Variants in SPPL3 observed in about 807,000 individuals in gnomAD.
SPPL3 encodes signal peptide peptidase like 3, also known as signal peptide peptidase-like 3.
In SPPL3, 5 loss-of-function variants were observed where a neutral mutation model predicts 42.4. The ratio of observed to expected loss-of-function variants is 0.12; its 90% CI spans 0.06 to 0.25. The LOEUF is 0.25. Ranked by LOEUF, SPPL3 falls within the 10% of genes least tolerant of loss-of-function variation. The pLI is 1.00. For missense variants in SPPL3, 235 were observed against 489.0 expected (o/e 0.48, Z 4.90); for synonymous variants, 195 against 181.8 (o/e 1.07, Z -0.58).
intron 6 of SPPL3, among the ~76,000 whole-genome samples, chr12:120,778,613 T>C (rs1432877277): frequency 6.6e-6 from 1 of 152,178 alleles, no homozygotes; most frequent in African/African-American, 2.4e-5. Context: ...CACTATAATC[T>C]TGTCTTTTTA....
chr12:120,841,193 T>C lies in SPPL3; in HGVS notation c.24-30307A>G, dbSNP rs186472873. On this transcript the variant is annotated intron_variant, in intron 1 of 10. Transcript: ENST00000353487. ...ATACAAAATTAGCCAGGTGTGGTGG[T>C]GCATGCCTGTAACCCCTGCTACTCC... Among the ~76,000 whole-genome samples the C allele has an allele frequency of 5.6e-3, 857 of 151,800 alleles. 7 individuals are homozygous for C. The highest frequency in any genetic ancestry group is 0.02 in the African/African-American group (812 of 41,386).
chr12:120,890,982 G>A (rs1873622812), intron 1 of SPPL3, among the ~76,000 whole-genome samples: 1 of 152,124 alleles, frequency 6.6e-6, no homozygotes, highest in Non-Finnish European at 1.5e-5. Flanking sequence ...GAACACAAAG[G>A]TGGATTTCCA....
rs1253772411 is a variant in SPPL3 at position 120,764,321 on chromosome 12, T to C, written c.*678A>G. On this transcript the variant is annotated 3_prime_UTR_variant, in exon 11 of 11. Coordinates refer to ENST00000353487, the MANE Select transcript of SPPL3 (RefSeq NM_139015.5). ...TCATATATATCTATGTGTGTGTTTA[T>C]ATATATATATGTACGTATGTATAAA... The C allele has an allele frequency of 7.5e-6, 1 of 134,008 alleles. No homozygotes were observed. Among genetic ancestry groups the C allele is most frequent in the Non-Finnish European group, 1.6e-5 (1 of 60,798 alleles). 8.3% of individuals were successfully genotyped at this position (134,008 alleles called of 1,614,324 possible). A position where few individuals can be genotyped will look rare whatever the true frequency, so the allele number is the denominator to read the frequency against.
At chr12:120,884,547 AT>A (rs1461849906) in intron 1 of SPPL3, among the ~76,000 whole-genome samples, 142 of 90,630 alleles carry the variant, frequency 1.6e-3, no homozygotes, top group South Asian at 1.8e-3. Context: ...AACTTGTATA[AT>A]TTAAAAAAAA....
chr12:120,801,840 T>C (rs1375428935), intron 2 of SPPL3, among the ~76,000 whole-genome samples: 1 of 152,220 alleles, frequency 6.6e-6, no homozygotes, highest in African/African-American at 2.4e-5. Context: ...CTAATTAGTG[T>C]CAGTTAGAAT....
At chr12:120,896,047 A>G (rs938317189) in intron 1 of SPPL3, among the ~76,000 whole-genome samples, 6 of 152,236 alleles carry the variant, frequency 3.9e-5, no homozygotes, top group Non-Finnish European at 7.3e-5. Flanking sequence ...CTTAAAAAAA[A>G]AAATCCTTTG....
intron 1 of SPPL3, among the ~76,000 whole-genome samples, chr12:120,889,115 G>A (rs1014553380): frequency 3.9e-5 from 6 of 152,110 alleles, no homozygotes; most frequent in East Asian, 1.9e-4. Context: ...CACCCGGCCC[G>A]TGAATTATAT....
intron 1 of SPPL3, among the ~76,000 whole-genome samples, chr12:120,896,011 C>T (rs1873790151): frequency 6.6e-6 from 1 of 152,026 alleles, no homozygotes; most frequent in Non-Finnish European, 1.5e-5. Flanking sequence ...GTAGAAACAA[C>T]TAGGATACAT....
intron 2 of SPPL3, among the ~76,000 whole-genome samples, chr12:120,795,802 C>T (rs1410249924): frequency 6.6e-6 from 1 of 152,102 alleles, no homozygotes; most frequent in Non-Finnish European, 1.5e-5. Context: ...ATTATTCTGT[C>T]CCTCCCTTTC....
At position 120,765,078 on chromosome 12, in the gene SPPL3, A is replaced by G. The variant is rs1207299929; in HGVS notation, c.1084-8T>C. 6.2e-7 allele frequency: 1 copy of G among 1,613,006 alleles called. No homozygotes were observed. Among genetic ancestry groups the G allele is most frequent in the Non-Finnish European group, 8.5e-7 (1 of 1,179,504 alleles). ...CATCCGCCGGAGGTCGCCCTGGGAA[A>G]CAAGGGACTTTCTAAGTTACAGATT... is the stretch of plus-strand genomic sequence containing the variant. On this transcript the variant is annotated splice_polypyrimidine_tract_variant and splice_region_variant and intron_variant, in intron 10 of 10. Transcript: ENST00000353487.
intron 1 of SPPL3, among the ~76,000 whole-genome samples, chr12:120,841,895 C>A (rs1278780289): frequency 1.3e-5 from 2 of 152,144 alleles, no homozygotes; most frequent in Non-Finnish European, 2.9e-5. Flanking sequence ...TCTGCTTTTA[C>A]CACTAATCAA....
At chr12:120,815,965 G>A (rs1319255342) in intron 1 of SPPL3, among the ~76,000 whole-genome samples, 2 of 151,950 alleles carry the variant, frequency 1.3e-5, no homozygotes, top group East Asian at 3.9e-4. Context: ...CCTGACCTCA[G>A]GTGATCCACC....
chr12:120,794,676 G>A (rs1412063378), intron 2 of SPPL3, among the ~76,000 whole-genome samples: 2 of 152,150 alleles, frequency 1.3e-5, no homozygotes, highest in Admixed American at 1.3e-4. Context: ...GATTAGAGGC[G>A]TGAGACACTG....
At chr12:120,833,704 GA>G (rs1172731500) in intron 1 of SPPL3, among the ~76,000 whole-genome samples, 1 of 136,112 alleles carries the variant, frequency 7.3e-6, no homozygotes, top group Non-Finnish European at 1.7e-5. Context: ...AGGAAAAAGA[GA>G]AAAAAAGGAG....
At chr12:120,824,533 A>C (rs1024713727) in intron 1 of SPPL3, among the ~76,000 whole-genome samples, 1 of 152,034 alleles carries the variant, frequency 6.6e-6, no homozygotes, top group Non-Finnish European at 1.5e-5. Context: ...GTTTTCTTAA[A>C]CTTTTATTTT....
intron 2 of SPPL3, among the ~76,000 whole-genome samples, chr12:120,806,853 A>AAAAGAAAG (rs3050396): frequency 3.2e-4 from 47 of 146,208 alleles, no homozygotes; most frequent in Middle Eastern, 7.0e-3. Flanking sequence ...TTAAAAAAAA[A>AAAAGAAAG]AAAGAAAGAA....
chr12:120,781,555 GTTTTTTTTTTTTTTTTTT>G (rs527339173), intron 6 of SPPL3, among the ~76,000 whole-genome samples: 927 of 62,974 alleles, frequency 0.015, 10 homozygotes, highest in African/African-American at 0.059. Context: ...TTATTGTTAC[GTTTTTTTTTTTTTTTTTT>G]TTTTTTTTTT....
intron 6 of SPPL3, among the ~76,000 whole-genome samples, chr12:120,778,577 C>T (rs541017895): frequency 1.2e-4 from 19 of 152,290 alleles, no homozygotes; most frequent in African/African-American, 4.6e-4. Context: ...CACACAAACC[C>T]TGCCAACCAC....
chr12:120,807,209 C>T (rs1220908488), intron 2 of SPPL3, among the ~76,000 whole-genome samples: 4 of 152,122 alleles, frequency 2.6e-5, no homozygotes, highest in African/African-American at 9.7e-5. Flanking sequence ...CAACCCAAAC[C>T]ACTATGAGAT....
Sources: allele counts gnomAD v4.1 joint callset (sites outside exome capture counted in the v4.1 genomes callset), GRCh38; gene constraint gnomAD v4.1.1; transcripts MANE v1.5; gene names NCBI Gene and HGNC (gene_info 2026-07-23, HGNC 2026-07-21).